Variants in THNSL1 observed in about 807,000 individuals in gnomAD.
THNSL1 encodes threonine synthase-like 1.
Under a neutral mutation model 50.4 loss-of-function variants are expected in THNSL1, and 48 were observed. That is an observed-to-expected ratio of 0.95 (90% CI 0.76 to 1.21). THNSL1 has a LOEUF of 1.21. Ranked by LOEUF, THNSL1 falls within the 50% of genes most tolerant of loss-of-function variation. THNSL1 has a pLI of 0.00. For synonymous variants in THNSL1, 309 were observed against 306.1 expected (o/e 1.01, Z -0.10); for missense variants, 896 against 871.7 (o/e 1.03, Z -0.35).
the THNSL1 span, among the ~76,000 whole-genome samples, chr10:24,976,753 CA>C: frequency 6.6e-6 from 1 of 152,100 alleles, no homozygotes; most frequent in Non-Finnish European, 1.5e-5. Flanking sequence ...CTCGGCCTCC[CA>C]AAGTGCTGGG....
At chr10:25,010,953 T>C in the THNSL1 span, among the ~76,000 whole-genome samples, 18 of 151,746 alleles carry the variant, frequency 1.2e-4, no homozygotes, top group African/African-American at 1.7e-4. Flanking sequence ...CCTTTGGGTA[T>C]ATACCCAGTA....
chr10:25,017,551 T>G (rs1466137483), intron 1 of THNSL1, among the ~76,000 whole-genome samples: 1 of 152,140 alleles, frequency 6.6e-6, no homozygotes, highest in Non-Finnish European at 1.5e-5. Context: ...TAAAAAGGCT[T>G]TACTGAATGT....
chr10:25,016,943 A>G (rs1850601736), intron 1 of THNSL1, among the ~76,000 whole-genome samples: 1 of 152,264 alleles, frequency 6.6e-6, no homozygotes, highest in South Asian at 2.1e-4. Flanking sequence ...GGCTCCTCGG[A>G]ACGCCGCGCA....
At position 25,025,737 on chromosome 10, in the gene THNSL1, C is replaced by T; in HGVS notation, c.*282C>T. 2.9e-6 allele frequency: 1 copy of T among 348,196 alleles called. No homozygotes were observed. The highest frequency in any genetic ancestry group is 5.5e-6 in the Non-Finnish European group (1 of 182,452). 21.6% of individuals were successfully genotyped at this position (348,196 alleles called of 1,614,324 possible). A position where few individuals can be genotyped will look rare whatever the true frequency, so the allele number is the denominator to read the frequency against. ...GTATCAATTTCCACTCCCACACCCT[C>T]ACTGTTATGTGGACCAAAATGTCTG... On this transcript the variant is annotated 3_prime_UTR_variant, in exon 3 of 3. Coordinates refer to ENST00000376356, the MANE Select transcript of THNSL1 (RefSeq NM_024838.5).
the THNSL1 span, among the ~76,000 whole-genome samples, chr10:25,006,547 A>G: frequency 6.6e-6 from 1 of 152,248 alleles, no homozygotes; most frequent in Non-Finnish European, 1.5e-5. Flanking sequence ...GCAAACGTGC[A>G]TGATTGTGAA....
chr10:24,984,640 T>C, the THNSL1 span: 2 of 1,166,708 alleles, frequency 1.7e-6, no homozygotes, highest in Non-Finnish European at 2.4e-6. Context: ...ATTCTCTTCA[T>C]AGTATTTTCC....
the THNSL1 span, among the ~76,000 whole-genome samples, chr10:24,956,407 G>T: frequency 6.7e-6 from 1 of 148,358 alleles, no homozygotes; most frequent in African/African-American, 2.5e-5. Flanking sequence ...CAATATACTT[G>T]TATTTTTCTA....
the THNSL1 span, chr10:24,953,114 G>A: frequency 6.6e-6 from 1 of 152,422 alleles, no homozygotes; most frequent in Admixed American, 6.5e-5. Flanking sequence ...TGCTCTTGGA[G>A]GATGGGAAGT....
chr10:24,991,714 TC>T, the THNSL1 span, among the ~76,000 whole-genome samples: 1 of 152,188 alleles, frequency 6.6e-6, no homozygotes, highest in African/African-American at 2.4e-5. Flanking sequence ...CCACGTGTGA[TC>T]CAATTCTTCA....
At chr10:25,016,258 GAGA>G (rs959684305), upstream of THNSL1, 5 of 901,690 alleles carry the variant, frequency 5.5e-6, no homozygotes, top group African/African-American at 8.8e-5. Context: ...CCTTCTGCTA[GAGA>G]AGCTCATTTG....
upstream of THNSL1, among the ~76,000 whole-genome samples, chr10:25,011,718 C>T (rs371125009): frequency 6.6e-6 from 1 of 152,046 alleles, no homozygotes; most frequent in African/African-American, 2.4e-5. Context: ...GCAACAAAAG[C>T]CAAAATTGAC....
At chr10:24,965,953 T>C in the THNSL1 span, among the ~76,000 whole-genome samples, 35 of 152,258 alleles carry the variant, frequency 2.3e-4, no homozygotes, top group Non-Finnish European at 4.4e-5. Flanking sequence ...GACCTGATTC[T>C]TTAGTTAAAT....
At position 25,023,894 on chromosome 10, in the gene THNSL1, A is replaced by T; in HGVS notation, c.671A>T (p.Gln224Leu). ...GTGCTGAATGCAATTAAAAGATACC[A>T]AGATGTGGACTCGGAAACATTCATT... ...DKVLNAIKRYQDVDSETFIST... is the reference protein window; with the variant it reads ...DKVLNAIKRYLDVDSETFIST... The change falls in exon 3 of 3, where the codon CAA becomes CTA. Residue 224 changes from glutamine to leucine, a missense_variant. Physicochemically the swap from Gln to Leu is moderately radical, Grantham distance 113. Coordinates refer to ENST00000376356, the MANE Select transcript of THNSL1 (RefSeq NM_024838.5). 6.2e-7 allele frequency: 1 copy of T among 1,614,204 alleles called. No individual in the cohort carries two copies. Among genetic ancestry groups the T allele is most frequent in the Non-Finnish European group, 8.5e-7 (1 of 1,180,016 alleles).
chr10:25,012,951 A>C (rs1474114289), upstream of THNSL1, among the ~76,000 whole-genome samples: 1 of 152,168 alleles, frequency 6.6e-6, no homozygotes, highest in Non-Finnish European at 1.5e-5. Context: ...TAATTCCCAT[A>C]TGTCATGGGA....
the THNSL1 span, among the ~76,000 whole-genome samples, chr10:24,965,887 C>T: frequency 6.6e-6 from 1 of 152,174 alleles, no homozygotes; most frequent in Non-Finnish European, 1.5e-5. Flanking sequence ...CACACAACCA[C>T]CTGAAACCTG....
the THNSL1 span, among the ~76,000 whole-genome samples, chr10:24,991,823 C>T: frequency 6.6e-6 from 1 of 152,222 alleles, no homozygotes; most frequent in African/African-American, 2.4e-5. Context: ...ACACAAGCCA[C>T]CTATGGACAG....
At chr10:24,987,265 C>G in the THNSL1 span, among the ~76,000 whole-genome samples, 4 of 152,172 alleles carry the variant, frequency 2.6e-5, no homozygotes, top group Non-Finnish European at 5.9e-5. Flanking sequence ...TGGTAAATTC[C>G]TACTGTCCCT....
chr10:25,020,887 G>A (rs1010957840), intron 1 of THNSL1, among the ~76,000 whole-genome samples: 2 of 152,144 alleles, frequency 1.3e-5, no homozygotes, highest in East Asian at 1.9e-4. Context: ...TGAATAGGAG[G>A]TTAATCAGAC....
chr10:24,953,035 C>T, the THNSL1 span, among the ~76,000 whole-genome samples: 1 of 152,094 alleles, frequency 6.6e-6, no homozygotes, highest in South Asian at 2.1e-4. Flanking sequence ...ATCTCCTTGA[C>T]TCCTCCCTGC....
Sources: allele counts gnomAD v4.1 joint callset (sites outside exome capture counted in the v4.1 genomes callset), GRCh38; gene constraint gnomAD v4.1.1; transcripts MANE v1.5; gene names NCBI Gene and HGNC (gene_info 2026-07-23, HGNC 2026-07-21).